Variants in PTPRG observed in about 807,000 individuals in gnomAD.
PTPRG encodes protein tyrosine phosphatase receptor type G.
A neutral mutation model predicts 165.3 loss-of-function variants in PTPRG; 102 were observed. The ratio of observed to expected loss-of-function variants is 0.62; its 90% CI spans 0.53 to 0.73. PTPRG has a LOEUF of 0.73. Ranked by LOEUF, PTPRG falls within the 30% of genes least tolerant of loss-of-function variation. PTPRG has a pLI of 0.00. For missense variants in PTPRG, 1,866 were observed against 1,861.4 expected (o/e 1.00, Z -0.05); for synonymous variants, 675 against 669.5 (o/e 1.01, Z -0.13).
At chr3:61,781,931 A>T (rs1025504389) in intron 2 of PTPRG, among the ~76,000 whole-genome samples, 2 of 141,594 alleles carry the variant, frequency 1.4e-5, no homozygotes, top group African/African-American at 2.6e-5. Context: ...GGATACTACT[A>T]TGTTTCCCAG....
chr3:62,077,242 C>T (rs1017791523), intron 4 of PTPRG, among the ~76,000 whole-genome samples: 2 of 150,974 alleles, frequency 1.3e-5, no homozygotes, highest in African/African-American at 2.4e-5. Context: ...ATTCCAGCCT[C>T]GGCCACAGAG....
chr3:61,859,796 C>G (rs1359221987), intron 2 of PTPRG, among the ~76,000 whole-genome samples: 1 of 152,112 alleles, frequency 6.6e-6, no homozygotes, highest in Non-Finnish European at 1.5e-5. Context: ...TAAAATACTG[C>G]TGCCCACAAC....
At chr3:61,908,318 C>A (rs1336510305) in intron 2 of PTPRG, among the ~76,000 whole-genome samples, 1 of 139,358 alleles carries the variant, frequency 7.2e-6, no homozygotes, top group East Asian at 2.3e-4. Flanking sequence ...CCCAGCTACT[C>A]GGGAGGCTGA....
At chr3:61,777,219 A>G (rs111850189) in intron 2 of PTPRG, among the ~76,000 whole-genome samples, 4 of 152,220 alleles carry the variant, frequency 2.6e-5, no homozygotes, top group African/African-American at 7.2e-5. Flanking sequence ...AATGATGGCA[A>G]TGTTCTATGC....
intron 2 of PTPRG, among the ~76,000 whole-genome samples, chr3:61,762,637 C>G (rs2033890789): frequency 6.6e-6 from 1 of 152,110 alleles, no homozygotes; most frequent in Non-Finnish European, 1.5e-5. Context: ...TACACCATAG[C>G]TAGCAATATT....
At chr3:61,881,535 C>G (rs145137759) in intron 2 of PTPRG, among the ~76,000 whole-genome samples, 1 of 152,282 alleles carries the variant, frequency 6.6e-6, no homozygotes, top group Admixed American at 6.5e-5. Context: ...GCATGCAGAT[C>G]TGAAAGCTCC....
chr3:61,891,236 T>C (rs2038205997), intron 2 of PTPRG, among the ~76,000 whole-genome samples: 1 of 152,036 alleles, frequency 6.6e-6, no homozygotes, highest in Non-Finnish European at 1.5e-5. Context: ...GAGAATCACT[T>C]GAATCAGGGA....
At chr3:61,989,432 CTAACT>C (rs1221212519) in intron 2 of PTPRG, among the ~76,000 whole-genome samples, 188 bp from the exon 3 acceptor site, 1 of 152,216 alleles carries the variant, frequency 6.6e-6, no homozygotes, top group African/African-American at 2.4e-5. Flanking sequence ...AGAAGCAAAA[CTAACT>C]TAAGTAACAT....
At chr3:62,168,590 C>T (rs2106736246) in intron 8 of PTPRG, among the ~76,000 whole-genome samples, 1 of 152,316 alleles carries the variant, frequency 6.6e-6, no homozygotes, top group South Asian at 2.1e-4. Flanking sequence ...TCTGTTCAGT[C>T]ACCATTCGCT....
chr3:61,945,454 G>C (rs1217579902), intron 2 of PTPRG, among the ~76,000 whole-genome samples: 1 of 150,650 alleles, frequency 6.6e-6, no homozygotes, highest in Non-Finnish European at 1.5e-5. Context: ...AGCTACTCGG[G>C]AGGCTGCGGC....
intron 4 of PTPRG, among the ~76,000 whole-genome samples, chr3:62,034,699 G>A (rs113320391): frequency 4.6e-5 from 7 of 152,138 alleles, no homozygotes; most frequent in Admixed American, 1.3e-4. Context: ...AGTCAGCATC[G>A]CTCCACTCAA....
chr3:62,142,988 C>T (rs1703986266), intron 6 of PTPRG, among the ~76,000 whole-genome samples: 1 of 152,148 alleles, frequency 6.6e-6, no homozygotes, highest in Non-Finnish European at 1.5e-5. Flanking sequence ...CCCAGCGTCA[C>T]ATCATGAGAA....
chr3:62,098,990 T>C (rs1273288721), intron 5 of PTPRG, among the ~76,000 whole-genome samples: 1 of 152,204 alleles, frequency 6.6e-6, no homozygotes, highest in East Asian at 1.9e-4. Context: ...CATTGTGAGA[T>C]GATGCATTTT....
chr3:61,586,508 G>T (rs1359091257), intron 1 of PTPRG, among the ~76,000 whole-genome samples: 1 of 152,162 alleles, frequency 6.6e-6, no homozygotes, highest in East Asian at 1.9e-4. Flanking sequence ...ACTAAAGCTT[G>T]ACTGTTCCTT....
At chr3:62,286,614 G>T (rs1702672808) in intron 28 of PTPRG, among the ~76,000 whole-genome samples, 1 of 151,512 alleles carries the variant, frequency 6.6e-6, no homozygotes, top group Admixed American at 6.6e-5. Context: ...CATTTCTTTT[G>T]TAAAATCTTT....
intron 1 of PTPRG, among the ~76,000 whole-genome samples, chr3:61,598,518 C>T (rs879729556): frequency 2.6e-5 from 4 of 152,072 alleles, no homozygotes; most frequent in Non-Finnish European, 4.4e-5. Context: ...CTATAAGACA[C>T]GCTCATTAAA....
At chr3:61,590,826 T>C (rs1044141760) in intron 1 of PTPRG, among the ~76,000 whole-genome samples, 51 of 152,284 alleles carry the variant, frequency 3.3e-4, no homozygotes, top group Admixed American at 7.2e-4. Flanking sequence ...GTTGAAAATA[T>C]GTTGCAGAGG....
At chr3:61,644,052 G>A (rs1702135012) in intron 1 of PTPRG, among the ~76,000 whole-genome samples, 1 of 152,048 alleles carries the variant, frequency 6.6e-6, no homozygotes, top group African/African-American at 2.4e-5. Context: ...AAATTATACA[G>A]TGCACCTACA....
chr3:61,817,413 T>A (rs1314533164), intron 2 of PTPRG, among the ~76,000 whole-genome samples: 1 of 151,646 alleles, frequency 6.6e-6, no homozygotes, highest in Non-Finnish European at 1.5e-5. Flanking sequence ...AATATTTAGT[T>A]GATTGTTGTT....
Sources: gnomAD v4.1 joint callset for allele counts (sites outside exome capture counted in the v4.1 genomes callset) on GRCh38, gnomAD v4.1.1 for gene constraint, MANE v1.5 for transcripts, NCBI Gene and HGNC (gene_info 2026-07-23, HGNC 2026-07-21) for gene names.